SPHKAP: variants seen among roughly 807,000 people sequenced by gnomAD.
SPHKAP encodes A-kinase anchor protein SPHKAP.
A neutral mutation model predicts 137.5 loss-of-function variants in SPHKAP; 67 were observed. The observed-to-expected ratio is 0.49, with a 90% CI of 0.40 to 0.60. SPHKAP has a LOEUF of 0.60. SPHKAP is among the 20% of genes least tolerant of loss of function. The probability of loss-of-function intolerance (pLI) is 0.00; values close to 1 mark genes in which losing one functional copy is unlikely to be tolerated. For missense variants in SPHKAP, 2,097 were observed against 2,069.3 expected (o/e 1.01, Z -0.26); for synonymous variants, 813 against 785.3 (o/e 1.04, Z -0.59).
intron 1 of SPHKAP, among the ~76,000 whole-genome samples, chr2:228,151,075 C>T (rs1438521604): frequency 7.2e-6 from 1 of 139,462 alleles, no homozygotes; most frequent in Non-Finnish European, 1.5e-5. Context: ...TAATGCTATC[C>T]CTCCCCGCTC....
At position 228,120,219 on chromosome 2, in the gene SPHKAP, C is replaced by T. The variant is rs187261576; in HGVS notation, c.139-11280G>A. Among the ~76,000 whole-genome samples, 180 of 152,200 alleles carry T rather than the reference C, an allele frequency of 1.2e-3. 1 individual carries two copies. The highest frequency in any genetic ancestry group is 3.9e-3 in the African/African-American group (160 of 41,548). On this transcript the variant is annotated intron_variant, in intron 2 of 11. Transcript: ENST00000392056. The stretch of plus-strand genomic sequence containing the variant: ...ACTACCAGAGAAGAGAAAAGGTAAA[C>T]GTGTCATCTTATGATAAACATACAA...
chr2:228,022,010 T>C, intron 5 of SPHKAP, 44 bp from the exon 6 acceptor site: 1 of 1,527,382 alleles, frequency 6.5e-7, no homozygotes, highest in Non-Finnish European at 8.8e-7. Flanking sequence ...AAAGGGAAAA[T>C]AAAAGACTAT....
In SPHKAP at chr2:228,163,735, G is replaced by A. The variant is rs142125819; in HGVS notation, c.32+17832C>T. On this transcript the variant is annotated intron_variant, in intron 1 of 11. Coordinates refer to ENST00000392056, the MANE Select transcript of SPHKAP (RefSeq NM_001142644.2). ...TGGGTTGCCTTCTTATTTGCATGAC[G>A]TATGACCAACCTGTTGGGTGACTGT... is the stretch of plus-strand genomic sequence containing the variant. Among the ~76,000 whole-genome samples the A allele has an allele frequency of 5.3e-5, 8 of 152,224 alleles. No homozygotes were observed. The East Asian group carries it at 1.2e-3, about 22-fold the overall frequency.
intron 3 of SPHKAP, among the ~76,000 whole-genome samples, chr2:228,069,916 A>T (rs928263397): frequency 1.3e-5 from 2 of 152,186 alleles, no homozygotes; most frequent in African/African-American, 4.8e-5. Flanking sequence ...GCCAGGACAG[A>T]GTAAGTTTTG....
chr2:228,108,696 C>A, intron 3 of SPHKAP, 136 bp downstream of exon 3: 1 of 606,192 alleles, frequency 1.6e-6, no homozygotes. Context: ...TCCATATAAA[C>A]CCGCTATGTA....
intron 7 of SPHKAP, among the ~76,000 whole-genome samples, chr2:228,016,178 A>G (rs896303414): frequency 6.6e-6 from 1 of 151,572 alleles, no homozygotes; most frequent in Non-Finnish European, 1.5e-5. Flanking sequence ...TTTTTTTATT[A>G]CACTTTAAAT....
intron 3 of SPHKAP, among the ~76,000 whole-genome samples, chr2:228,080,198 G>C (rs1485754889): frequency 6.6e-6 from 1 of 152,174 alleles, no homozygotes; most frequent in Non-Finnish European, 1.5e-5. Flanking sequence ...AACATATGGA[G>C]TGGGAGAACA....
intron 1 of SPHKAP, chr2:228,132,590 A>C (rs1699287925): frequency 1.5e-6 from 1 of 645,902 alleles, no homozygotes; most frequent in Non-Finnish European, 1.9e-6. Context: ...GCGGCTGGAG[A>C]TAGCTCCTCA....
chr2:228,175,395 T>C (rs1040979508), intron 1 of SPHKAP, among the ~76,000 whole-genome samples: 9 of 152,202 alleles, frequency 5.9e-5, no homozygotes, highest in Admixed American at 5.9e-4. Context: ...GTGATGATAT[T>C]AGCACAAAAG....
rs1043986971 is a variant in SPHKAP at position 227,994,087 on chromosome 2, C to T, written c.4635-467G>A. 1.8e-5 allele frequency: 18 copies of T among 985,176 alleles called. No homozygotes were observed. The African/African-American group carries it at 3.1e-4, about 17-fold the overall frequency. The allele number at this position is 985,176 out of a possible 1,614,324, so 61.0% of individuals were successfully genotyped here. A position where few individuals can be genotyped will look rare whatever the true frequency, so the allele number is the denominator to read the frequency against. On this transcript the variant is annotated intron_variant, in intron 8 of 11. Coordinates refer to ENST00000392056, the MANE Select transcript of SPHKAP (RefSeq NM_001142644.2). ...CAGTGGACTCATGTTCTCCCTTTGA[C>T]ATTTGGGGGATTTTCTCAGGGACAT...
chr2:228,018,212 G>T lies in SPHKAP; in HGVS notation c.2642C>A (p.Pro881Gln). Residue 881 changes from proline to glutamine, a missense_variant, in exon 7 of 12, where the codon CCA becomes CAA. Pro to Gln is a moderately conservative substitution (Grantham distance 76). Transcript: ENST00000392056. The stretch of plus-strand genomic sequence containing the variant: ...ACAGTTGTACTTTTCTTGGGTGTTT[G>T]GGTGGATACTCTCCTCAGCCTCCTG... ...GSQEAEESIH[P>Q]NTQEKYNCAT... 1 of 1,614,136 alleles carries T rather than the reference G, an allele frequency of 6.2e-7. No individual in the cohort carries two copies.
intron 3 of SPHKAP, among the ~76,000 whole-genome samples, chr2:228,048,144 C>T (rs1404058849): frequency 6.6e-6 from 1 of 152,114 alleles, no homozygotes; most frequent in Non-Finnish European, 1.5e-5. Context: ...CTTGAAATCC[C>T]TTTTGATTAC....
At chr2:228,123,879 T>C (rs1183267707) in intron 2 of SPHKAP, among the ~76,000 whole-genome samples, 1 of 152,202 alleles carries the variant, frequency 6.6e-6, no homozygotes, top group East Asian at 1.9e-4. Flanking sequence ...CTCAAACAAA[T>C]TTACAAGAAA....
At chr2:228,094,871 C>G (rs1697931288) in intron 3 of SPHKAP, among the ~76,000 whole-genome samples, 1 of 152,128 alleles carries the variant, frequency 6.6e-6, no homozygotes, top group Admixed American at 6.6e-5. Flanking sequence ...ATACCAGCGA[C>G]TTTTTGAGGT....
At chr2:228,085,579 T>C (rs1408075529) in intron 3 of SPHKAP, among the ~76,000 whole-genome samples, 5 of 152,222 alleles carry the variant, frequency 3.3e-5, no homozygotes, top group South Asian at 2.1e-4. Context: ...TAGCTGACAA[T>C]TGTATTACAG....
At chr2:228,025,697 T>A (rs1695007158) in intron 4 of SPHKAP, among the ~76,000 whole-genome samples, 169 bp from the exon 5 acceptor site, 1 of 152,206 alleles carries the variant, frequency 6.6e-6, no homozygotes, top group Admixed American at 6.5e-5. Context: ...CATGCAAGTT[T>A]AGATTGAAAG....
At chr2:228,143,476 A>C (rs1344579565) in intron 1 of SPHKAP, among the ~76,000 whole-genome samples, 15 of 151,674 alleles carry the variant, frequency 9.9e-5, no homozygotes, top group Non-Finnish European at 2.2e-4. Context: ...CTTTCTTTTA[A>C]ATTTTATTTT....
rs144167081 is a variant in SPHKAP, at chr2:228,043,064, A to G, written c.247-15521T>C. ...TAAAACGGAAATATAGACATGTTAA[A>G]AATATCAACCATTTCCTAGTCATTA... On this transcript the variant is annotated intron_variant, in intron 3 of 11. Transcript: ENST00000392056. Among the ~76,000 whole-genome samples, 978 of 152,314 alleles carry G rather than the reference A, an allele frequency of 6.4e-3. 32 individuals carry two copies. Among genetic ancestry groups the G allele is most frequent in the Admixed American group, 0.055 (844 of 15,280 alleles).
chr2:228,014,125 T>C (rs1026575168), intron 7 of SPHKAP, among the ~76,000 whole-genome samples: 11 of 152,218 alleles, frequency 7.2e-5, no homozygotes, highest in African/African-American at 2.4e-4. Context: ...TTTATTCAAC[T>C]TCAGTGACAA....
Sources: allele counts gnomAD v4.1 joint callset (sites outside exome capture counted in the v4.1 genomes callset), GRCh38; gene constraint gnomAD v4.1.1; transcripts MANE v1.5; gene names NCBI Gene and HGNC (gene_info 2026-07-23, HGNC 2026-07-21).